The following COL14A1 variants were observed in gnomAD, a reference collection of about 807,000 sequenced individuals.
COL14A1 encodes the protein collagen alpha-1(XIV) chain.
COL14A1 carries 136 observed loss-of-function variants against 230.3 expected under a neutral mutation model. The ratio of observed to expected loss-of-function variants is 0.59; its 90% CI spans 0.51 to 0.68. COL14A1 has a LOEUF of 0.68. Among genes scored for constraint, COL14A1 ranks in the 30% least tolerant of loss-of-function variants. COL14A1 has a pLI of 0.00. For missense variants in COL14A1, 1,976 were observed against 2,215.8 expected (o/e 0.89, Z 2.17); for synonymous variants, 792 against 784.1 (o/e 1.01, Z -0.17).
In COL14A1 at chr8:120,299,066, C is replaced by G. The variant is rs991120025; in HGVS notation, c.4314+1478C>G. ...AAGAACAGCATGGAGGTAACCGCCC[C>G]TATGATTCATACCTGGCTTACATTA... On this transcript the variant is annotated intron_variant, in intron 35 of 47. Coordinates refer to ENST00000297848, the MANE Select transcript of COL14A1 (RefSeq NM_021110.4). 9.9e-5 allele frequency among the ~76,000 whole-genome samples: 15 copies of G among 151,988 alleles called. 2 individuals are homozygous for G. The South Asian group carries it at 3.1e-3, about 32-fold the overall frequency.
intron 35 of COL14A1, among the ~76,000 whole-genome samples, chr8:120,300,451 T>A (rs915487167): frequency 2.0e-5 from 3 of 150,852 alleles, no homozygotes; most frequent in African/African-American, 7.3e-5. Context: ...TAATCAAGAT[T>A]TTTTTTTTGT....
chr8:120,256,405 G>A (rs1023838150), intron 23 of COL14A1, among the ~76,000 whole-genome samples: 3 of 152,136 alleles, frequency 2.0e-5, no homozygotes, highest in African/African-American at 7.2e-5. Context: ...AGAGCATTTG[G>A]AAATATGTCC....
intron 36 of COL14A1, among the ~76,000 whole-genome samples, chr8:120,306,691 C>A (rs1820868000): frequency 6.6e-6 from 1 of 151,992 alleles, no homozygotes; most frequent in African/African-American, 2.4e-5. Flanking sequence ...TTGTGATATG[C>A]CCAGTGACAA....
In COL14A1 at chr8:120,227,249, T is replaced by G. The variant is rs1361208277; in HGVS notation, c.2034T>G (p.His678Gln). The G allele has an allele frequency of 6.2e-7, 1 of 1,613,912 alleles. No individual in the cohort carries two copies. The change falls in exon 17 of 48, where the codon CAT becomes CAG. Residue 678 changes from histidine (H) to glutamine (Q), a missense_variant. Transcript: ENST00000297848. Reference protein sequence around the residue: ...EVVLKEEQDSHVIEGLEPGTE... With the variant: ...EVVLKEEQDSQVIEGLEPGTE... The stretch of plus-strand genomic sequence containing the variant: ...TCCTGAAAGAAGAGCAGGACTCACA[T>G]GTTATTGAAGGCCTGGAGCCCGGTA...
At chr8:120,270,232 T>G in intron 26 of COL14A1, 58 bp downstream of exon 26, 18 of 1,496,156 alleles carry the variant, frequency 1.2e-5, no homozygotes, top group African/African-American at 1.4e-5. Flanking sequence ...TCTCCAGCTC[T>G]TATTACAGCT....
At chr8:120,133,125 A>G (rs918666413) in intron 1 of COL14A1, among the ~76,000 whole-genome samples, 1 of 151,940 alleles carries the variant, frequency 6.6e-6, no homozygotes. Flanking sequence ...CTGAGGCAGG[A>G]GAATGGCGTG....
chr8:120,265,304 A>G (rs1819470272), intron 24 of COL14A1, among the ~76,000 whole-genome samples: 2 of 152,164 alleles, frequency 1.3e-5, no homozygotes, highest in South Asian at 2.1e-4. Context: ...AAGAAGATGC[A>G]CAATTATTAA....
chr8:120,296,612 A>G (rs1349981546), intron 34 of COL14A1, among the ~76,000 whole-genome samples: 1 of 152,008 alleles, frequency 6.6e-6, no homozygotes, highest in African/African-American at 2.4e-5. Context: ...CTCCCAGATC[A>G]GTAATAGAGC....
At chr8:120,282,341 G>A (rs1820063786) in intron 31 of COL14A1, among the ~76,000 whole-genome samples, 1 of 152,094 alleles carries the variant, frequency 6.6e-6, no homozygotes, top group African/African-American at 2.4e-5. Context: ...AGACTCGCAC[G>A]CTAATATCCT....
At chr8:120,168,721 G>A (rs960856972) in intron 5 of COL14A1, among the ~76,000 whole-genome samples, 3 of 152,154 alleles carry the variant, frequency 2.0e-5, no homozygotes, top group Non-Finnish European at 2.9e-5. Context: ...GATAAAATGC[G>A]TTGATATGTG....
At chr8:120,165,581 G>A (rs1165412038) in intron 4 of COL14A1, among the ~76,000 whole-genome samples, 1 of 152,122 alleles carries the variant, frequency 6.6e-6, no homozygotes, top group Admixed American at 6.6e-5. Flanking sequence ...ATACCATTTT[G>A]CTTGTAACAA....
At chr8:120,321,658 A>T (rs940424613) in intron 40 of COL14A1, among the ~76,000 whole-genome samples, 3 of 144,358 alleles carry the variant, frequency 2.1e-5, no homozygotes, top group Non-Finnish European at 4.6e-5. Context: ...AAAAAAAAAG[A>T]TACTTCTGAA....
chr8:120,279,861 A>G, intron 28 of COL14A1, 74 bp from the exon 29 acceptor site: 1 of 1,507,098 alleles, frequency 6.6e-7, no homozygotes, highest in South Asian at 1.3e-5. Context: ...AAACAGTTGG[A>G]TGTGTCTTAT....
rs1172500697 is a variant in COL14A1, at chr8:120,212,537, A to C, written c.1557A>C (p.Gly519=). The C allele has an allele frequency of 6.2e-7, 1 of 1,613,652 alleles. No homozygotes were observed. The highest frequency in any genetic ancestry group is 1.7e-5 in the Admixed American group (1 of 59,984). ...EYTVTVYAMF[G]EEASDPVTGQ... ...CAGTCACAGTTTATGCCATGTTTGG[A>C]GAAGAGGCCAGTGATCCTGTTACGG... Residue 519 remains glycine (G), a synonymous_variant, in exon 13 of 48, where the codon GGA becomes GGC. Transcript: ENST00000297848.
chr8:120,187,478 T>C (rs1273608627), intron 5 of COL14A1, among the ~76,000 whole-genome samples: 1 of 152,238 alleles, frequency 6.6e-6, no homozygotes, highest in Non-Finnish European at 1.5e-5. Flanking sequence ...GGGAGCTTTG[T>C]TGTGTTCCCA....
intron 5 of COL14A1, among the ~76,000 whole-genome samples, chr8:120,175,390 T>C (rs1816247395): frequency 2.0e-5 from 3 of 152,180 alleles, no homozygotes; most frequent in South Asian, 4.1e-4. Flanking sequence ...GGCTTTTTTT[T>C]CCTTCTTTTT....
intron 21 of COL14A1, among the ~76,000 whole-genome samples, chr8:120,248,369 G>A (rs1432212711): frequency 6.6e-6 from 1 of 152,074 alleles, no homozygotes; most frequent in Admixed American, 6.6e-5. Flanking sequence ...GTATGCCTGT[G>A]AAGAGGAGAC....
At chr8:120,135,804 G>A (rs1309773789) in intron 1 of COL14A1, among the ~76,000 whole-genome samples, 1 of 150,988 alleles carries the variant, frequency 6.6e-6, no homozygotes, top group Admixed American at 6.6e-5. Context: ...TTATATTTTG[G>A]TATTCTGAAG....
Position 120,231,405 on chromosome 8 carries a change from G to A in COL14A1, c.2198-62G>A, listed in dbSNP as rs919739068. 5 of 1,552,034 alleles carry A rather than the reference G, an allele frequency of 3.2e-6. No individual in the cohort carries two copies. The South Asian group carries it at 3.6e-5, about 11-fold the overall frequency. ...TGCTGTCACCCCACAGGTATTCTCT[G>A]TGGCTCATTTTGGAATATGATATGT... On this transcript the variant is annotated intron_variant, in intron 18 of 47. Transcript: ENST00000297848.
Sources: gnomAD v4.1 joint callset for allele counts (sites outside exome capture counted in the v4.1 genomes callset) on GRCh38, gnomAD v4.1.1 for gene constraint, MANE v1.5 for transcripts, NCBI Gene and HGNC (gene_info 2026-07-23, HGNC 2026-07-21) for gene names.